MECOM: variants seen among roughly 807,000 people sequenced by gnomAD.
MECOM encodes the protein MDS1 and EVI1 complex locus.
In MECOM, 13 loss-of-function variants were observed where a neutral mutation model predicts 116.3. The ratio of observed to expected loss-of-function variants is 0.11; its 90% CI spans 0.07 to 0.18. The LOEUF (loss-of-function observed/expected upper bound fraction) is 0.18. MECOM is among the 10% of genes least tolerant of loss of function. The pLI is 1.00. For missense variants in MECOM, 1,299 were observed against 1,509.0 expected (o/e 0.86, Z 2.31); for synonymous variants, 528 against 535.2 (o/e 0.99, Z 0.19).
At chr3:169,639,765 A>G (rs1188118807) in intron 1 of MECOM, among the ~76,000 whole-genome samples, 1 of 152,268 alleles carries the variant, frequency 6.6e-6, no homozygotes, top group Non-Finnish European at 1.5e-5. Context: ...GATAGGATAT[A>G]TAATTGGCAC....
chr3:169,147,829 G>T, intron 2 of MECOM: 1 of 712,166 alleles, frequency 1.4e-6, no homozygotes, highest in Non-Finnish European at 1.7e-6. Context: ...TCAGGGGTGT[G>T]AGGGTGTGTG....
At chr3:169,217,711 G>A (rs1463355496) in intron 2 of MECOM, among the ~76,000 whole-genome samples, 1 of 151,968 alleles carries the variant, frequency 6.6e-6, no homozygotes, top group African/African-American at 2.4e-5. Flanking sequence ...TTGAACCCAG[G>A]AGGTGGAGAT....
chr3:169,580,279 T>C (rs1181622213), intron 1 of MECOM, among the ~76,000 whole-genome samples: 1 of 152,168 alleles, frequency 6.6e-6, no homozygotes, highest in Non-Finnish European at 1.5e-5. Flanking sequence ...GTTACATGAA[T>C]ACGTTCTTTA....
chr3:169,323,299 G>A (rs1344673277), intron 2 of MECOM, among the ~76,000 whole-genome samples: 2 of 152,176 alleles, frequency 1.3e-5, no homozygotes, highest in Non-Finnish European at 2.9e-5. Flanking sequence ...CCTTCCCCCA[G>A]TATTGGGTGT....
At chr3:169,507,646 C>G (rs1049277619) in intron 1 of MECOM, among the ~76,000 whole-genome samples, 8 of 91,206 alleles carry the variant, frequency 8.8e-5, no homozygotes, top group African/African-American at 3.2e-4. Context: ...TAAATCCCCA[C>G]TTGCTTTTTT....
intron 9 of MECOM, among the ~76,000 whole-genome samples, chr3:169,109,663 G>T (rs1036302170): frequency 1.3e-5 from 2 of 152,138 alleles, no homozygotes; most frequent in African/African-American, 4.8e-5. Flanking sequence ...TGATCCGCCC[G>T]CCTCGGCCTC....
rs976444589 is a variant in MECOM, at chr3:169,083,931, A to G, written c.*978T>C. 40 of 225,904 alleles carry G rather than the reference A, an allele frequency of 1.8e-4. No individual in the cohort carries two copies. In the Admixed American group the frequency reaches 2.3e-3, roughly 13 times the overall value. 14.0% of individuals were successfully genotyped at this position (225,904 alleles called of 1,614,324 possible). The stretch of plus-strand genomic sequence containing the variant: ...ATTCGTATTTAGTTCATTAAGAAGG[A>G]AAACAAAACAAACAAACAAAAAGGA... On this transcript the variant is annotated 3_prime_UTR_variant, in exon 17 of 17. Coordinates refer to ENST00000651503, the MANE Select transcript of MECOM (RefSeq NM_004991.4).
intron 1 of MECOM, among the ~76,000 whole-genome samples, chr3:169,548,876 C>T (rs1472285467): frequency 6.6e-6 from 1 of 152,002 alleles, no homozygotes; most frequent in South Asian, 2.1e-4. Flanking sequence ...TCATTTTCTC[C>T]TTCTTACAAA....
At chr3:169,484,576 A>G (rs971211891) in intron 1 of MECOM, among the ~76,000 whole-genome samples, 7 of 152,230 alleles carry the variant, frequency 4.6e-5, no homozygotes, top group Non-Finnish European at 8.8e-5. Context: ...AACTTATATA[A>G]ACACCTCAAA....
At chr3:169,638,045 C>T (rs890982481) in intron 1 of MECOM, among the ~76,000 whole-genome samples, 3 of 152,180 alleles carry the variant, frequency 2.0e-5, no homozygotes, top group Non-Finnish European at 2.9e-5. Flanking sequence ...AGAAATATTT[C>T]ATCTGACACC....
intron 2 of MECOM, among the ~76,000 whole-genome samples, chr3:169,329,114 A>G (rs111963960): frequency 1.2e-4 from 19 of 152,330 alleles, no homozygotes; most frequent in African/African-American, 4.3e-4. Context: ...ATGAATATGC[A>G]CATAGATTAT....
chr3:169,640,715 G>A (rs1420095911), intron 1 of MECOM, among the ~76,000 whole-genome samples: 1 of 152,152 alleles, frequency 6.6e-6, no homozygotes, highest in Admixed American at 6.5e-5. Flanking sequence ...GTGTTATAGA[G>A]GTGATGTCAA....
At chr3:169,327,583 A>AG (rs994309529) in intron 2 of MECOM, among the ~76,000 whole-genome samples, 1 of 149,834 alleles carries the variant, frequency 6.7e-6, no homozygotes, top group African/African-American at 2.5e-5. Context: ...GGTTGCAGTG[A>AG]GCCAAGACCA....
chr3:169,316,944 T>G (rs1577691339), intron 2 of MECOM, among the ~76,000 whole-genome samples: 1 of 152,330 alleles, frequency 6.6e-6, no homozygotes, highest in South Asian at 2.1e-4. Context: ...CATCTGTCTA[T>G]CTTAGAATTC....
chr3:169,537,697 T>C (rs1480348609), intron 1 of MECOM, among the ~76,000 whole-genome samples: 3 of 147,630 alleles, frequency 2.0e-5, no homozygotes, highest in Non-Finnish European at 3.0e-5. Flanking sequence ...TATACTGATA[T>C]AGTACATGCA....
intron 1 of MECOM, among the ~76,000 whole-genome samples, chr3:169,444,781 T>C (rs185455199): frequency 6.6e-5 from 10 of 152,288 alleles, no homozygotes; most frequent in Non-Finnish European, 1.3e-4. Flanking sequence ...TGGAACCTCT[T>C]AGAGACTTGT....
Position 169,095,849 on chromosome 3 carries a change from A to C in MECOM, c.2850-604T>G, listed in dbSNP as rs769070851. ...CTGTTAATCTTTAAACTGTTATAAA[A>C]AAAATAATAATGCCACTAAGTTCTC... On this transcript the variant is annotated intron_variant, in intron 12 of 16. Transcript: ENST00000651503. Among the ~76,000 whole-genome samples, 38 of 151,628 alleles carry C rather than the reference A, an allele frequency of 2.5e-4. 1 individual carries two copies. Among genetic ancestry groups the C allele is most frequent in the Middle Eastern group, 6.8e-3 (2 of 294 alleles).
chr3:169,149,003 A>C (rs937835426), intron 2 of MECOM, among the ~76,000 whole-genome samples: 4 of 151,676 alleles, frequency 2.6e-5, no homozygotes, highest in Non-Finnish European at 5.9e-5. Context: ...TGGGCGCTTG[A>C]GAACCTTTAA....
intron 1 of MECOM, among the ~76,000 whole-genome samples, chr3:169,486,818 G>A (rs1752438995): frequency 6.6e-6 from 1 of 151,946 alleles, no homozygotes; most frequent in Non-Finnish European, 1.5e-5. Context: ...GTGAAAATGA[G>A]CACACAGCCC....
Sources: allele counts gnomAD v4.1 joint callset (sites outside exome capture counted in the v4.1 genomes callset), GRCh38; gene constraint gnomAD v4.1.1; transcripts MANE v1.5; gene names NCBI Gene and HGNC (gene_info 2026-07-23, HGNC 2026-07-21).